Variants in EYA2 observed in about 807,000 individuals in gnomAD.
EYA2 encodes the protein protein phosphatase EYA2.
Under a neutral mutation model 69.2 loss-of-function variants are expected in EYA2, and 31 were observed. The observed-to-expected ratio is 0.45, with a 90% CI of 0.34 to 0.60. EYA2 has a LOEUF of 0.60. Among genes scored for constraint, EYA2 ranks in the 20% least tolerant of loss-of-function variants. The pLI, the probability that EYA2 is intolerant of heterozygous loss-of-function variation, is 0.02. For synonymous variants in EYA2, 257 were observed against 279.4 expected (o/e 0.92, Z 0.80); for missense variants, 622 against 701.2 (o/e 0.89, Z 1.28).
In EYA2 at chr20:47,098,072, G is replaced by T. The variant is rs1006102841; in HGVS notation, c.888+904G>T. ...TTTCCAGCTGCTCATGTTTTTTATGGGGGTTATAACAAGCTGGATGTGTAA... is the reference window on the plus strand; with the variant it reads ...TTTCCAGCTGCTCATGTTTTTTATGTGGGTTATAACAAGCTGGATGTGTAA... On this transcript the variant is annotated intron_variant, in intron 9 of 15. Transcript: ENST00000327619. Among the ~76,000 whole-genome samples, 7 of 152,288 alleles carry T rather than the reference G, an allele frequency of 4.6e-5. No homozygotes were observed. In the South Asian group the frequency reaches 1.2e-3, roughly 27 times the overall value.
chr20:47,072,083 C>G, intron 5 of EYA2, 102 bp from the exon 6 acceptor site: 1 of 1,086,836 alleles, frequency 9.2e-7, no homozygotes, highest in Non-Finnish European at 1.4e-6. Context: ...AGCTGTCACC[C>G]TTGAAGCCAC....
At chr20:46,932,414 T>C (rs1258179513) in intron 1 of EYA2, among the ~76,000 whole-genome samples, 1 of 152,174 alleles carries the variant, frequency 6.6e-6, no homozygotes, top group Non-Finnish European at 1.5e-5. Context: ...CTGTTAGATG[T>C]AGGTGAGGGG....
chr20:47,184,130 C>T (rs1231113647), intron 15 of EYA2, among the ~76,000 whole-genome samples: 3 of 152,184 alleles, frequency 2.0e-5, no homozygotes, highest in East Asian at 3.8e-4. Context: ...AGGCACTGTT[C>T]CCTCCACCTG....
At chr20:47,105,374 C>G (rs1236305473) in intron 9 of EYA2, among the ~76,000 whole-genome samples, 1 of 152,190 alleles carries the variant, frequency 6.6e-6, no homozygotes, top group Non-Finnish European at 1.5e-5. Flanking sequence ...CCTGTAATCC[C>G]AGCACTTTGG....
At chr20:47,164,187 G>A (rs765379027) in intron 10 of EYA2, among the ~76,000 whole-genome samples, 1 of 152,188 alleles carries the variant, frequency 6.6e-6, no homozygotes, top group Non-Finnish European at 1.5e-5. Flanking sequence ...CGTGGCCTCT[G>A]CGCGGTCCAG....
intron 9 of EYA2, among the ~76,000 whole-genome samples, chr20:47,111,133 T>C (rs1223237641): frequency 2.6e-5 from 4 of 152,222 alleles, no homozygotes; most frequent in Non-Finnish European, 4.4e-5. Context: ...TTGGTCCTAA[T>C]TGAAGTAGGT....
chr20:47,169,030 G>A, intron 10 of EYA2, 109 bp from the exon 11 acceptor site: 2 of 945,892 alleles, frequency 2.1e-6, no homozygotes, highest in Admixed American at 1.7e-5. Flanking sequence ...ATGACTCCCA[G>A]TGCAGTGCTC....
intron 9 of EYA2, among the ~76,000 whole-genome samples, chr20:47,099,620 G>T (rs2032366436): frequency 6.6e-6 from 1 of 152,196 alleles, no homozygotes; most frequent in African/African-American, 2.4e-5. Flanking sequence ...GACAGTTGAG[G>T]GGACGTGGAG....
At chr20:47,023,707 G>C (rs908036018) in intron 5 of EYA2, among the ~76,000 whole-genome samples, 1 of 129,412 alleles carries the variant, frequency 7.7e-6, no homozygotes, top group African/African-American at 3.1e-5. Flanking sequence ...GCGTAATCTC[G>C]GCTCATTGCA....
chr20:47,123,776 A>G (rs2146563179), intron 9 of EYA2, among the ~76,000 whole-genome samples: 1 of 152,288 alleles, frequency 6.6e-6, no homozygotes, highest in East Asian at 1.9e-4. Context: ...AGATCACTTG[A>G]GGTCAAGAGT....
Position 47,004,972 on chromosome 20 carries a change from T to G in EYA2, c.186T>G (p.Pro62=), listed in dbSNP as rs748916126. The change falls in exon 4 of 16, where the codon CCT becomes CCG. Residue 62 remains proline (P), a synonymous_variant. Coordinates refer to ENST00000327619, the MANE Select transcript of EYA2 (RefSeq NM_005244.5). ...RSCPRVLPRQ[P]STAMAAYGQT... is the part of the protein sequence containing the mutation. ...GCCCACGTGTCCTCCCCCGCCAGCC[T>G]TCCACAGCCATGGCAGCCTACGGCC... The G allele has an allele frequency of 1.2e-6, 2 of 1,614,098 alleles. No homozygotes were observed. The highest frequency in any genetic ancestry group is 1.7e-6 in the Non-Finnish European group (2 of 1,179,996).
chr20:47,159,093 G>A (rs571639455), intron 10 of EYA2, among the ~76,000 whole-genome samples: 51 of 151,964 alleles, frequency 3.4e-4, no homozygotes, highest in Non-Finnish European at 6.9e-4. Context: ...GGTAACTTAT[G>A]TAGATACTAC....
chr20:47,033,750 C>T (rs1170403760), intron 5 of EYA2, among the ~76,000 whole-genome samples: 1 of 152,238 alleles, frequency 6.6e-6, no homozygotes, highest in Non-Finnish European at 1.5e-5. Context: ...TTGAAGGCTG[C>T]TCCTTTAACT....
chr20:47,099,335 A>T (rs2032357553), intron 9 of EYA2, among the ~76,000 whole-genome samples: 1 of 152,246 alleles, frequency 6.6e-6, no homozygotes, highest in African/African-American at 2.4e-5. Context: ...GCTTGAGGCC[A>T]GCCTGGGCAA....
chr20:46,955,936 C>T (rs191044524), intron 1 of EYA2, among the ~76,000 whole-genome samples: 2 of 152,350 alleles, frequency 1.3e-5, no homozygotes. Flanking sequence ...GTCATCATAA[C>T]ATGAAAGCAG....
At chr20:47,088,287 G>C (rs1480798186) in intron 7 of EYA2, among the ~76,000 whole-genome samples, 1 of 152,190 alleles carries the variant, frequency 6.6e-6, no homozygotes, top group Non-Finnish European at 1.5e-5. Context: ...CCAGCAGGGA[G>C]AGGAAAGTAG....
At chr20:47,157,286 G>A (rs576305805) in intron 10 of EYA2, among the ~76,000 whole-genome samples, 2 of 149,858 alleles carry the variant, frequency 1.3e-5, no homozygotes, top group Non-Finnish European at 3.0e-5. Context: ...CCCAGGAGGC[G>A]GAGGTTGCAG....
At chr20:47,066,783 C>T (rs1048822111) in intron 5 of EYA2, among the ~76,000 whole-genome samples, 2 of 152,130 alleles carry the variant, frequency 1.3e-5, no homozygotes, top group Non-Finnish European at 2.9e-5. Flanking sequence ...ATTAGGGGAC[C>T]CTCCAGGAGA....
At chr20:47,023,964 CTACTT>C (rs1192844625) in intron 5 of EYA2, among the ~76,000 whole-genome samples, 1 of 152,150 alleles carries the variant, frequency 6.6e-6, no homozygotes, top group Non-Finnish European at 1.5e-5. Context: ...TTCCATGTCT[CTACTT>C]AACATGTCCA....
Sources: gnomAD v4.1 joint callset for allele counts (sites outside exome capture counted in the v4.1 genomes callset) on GRCh38, gnomAD v4.1.1 for gene constraint, MANE v1.5 for transcripts, NCBI Gene and HGNC (gene_info 2026-07-23, HGNC 2026-07-21) for gene names.